The following ADD2 variants were observed in gnomAD, a reference collection of about 807,000 sequenced individuals.
The protein encoded by ADD2 is adducin 2, also known as beta-adducin.
A neutral mutation model predicts 83.0 loss-of-function variants in ADD2; 23 were observed. The ratio of observed to expected loss-of-function variants is 0.28; its 90% CI spans 0.20 to 0.39. The LOEUF (loss-of-function observed/expected upper bound fraction) is 0.39. Ranked by LOEUF, ADD2 falls within the 10% of genes least tolerant of loss-of-function variation. The pLI, the probability that ADD2 is intolerant of heterozygous loss-of-function variation, is 1.00. For missense variants in ADD2, 758 were observed against 944.9 expected, an observed-to-expected ratio of 0.80 and a Z score of 2.59; for synonymous variants, 375 against 375.4, an observed-to-expected ratio of 1.00 and a Z score of 0.01.
chr2:70,695,572 T>C (rs1671265683), intron 6 of ADD2, 149 bp downstream of exon 6: 1 of 688,630 alleles, frequency 1.5e-6, no homozygotes, highest in African/African-American at 1.8e-5. Flanking sequence ...TCTGGACACT[T>C]AGTTTGTTCC....
chr2:70,767,746 C>T (rs549083136), intron 1 of ADD2, 140 bp downstream of exon 1: 3 of 1,449,238 alleles, frequency 2.1e-6, no homozygotes, highest in Middle Eastern at 2.4e-4. Context: ...CCGGCCAGGG[C>T]TGCAGCACCG....
rs1200056150 is a variant in ADD2, at chr2:70,663,150, G to A, written c.*275C>T. The A allele has an allele frequency of 7.2e-6, 3 of 414,966 alleles. No individual in the cohort carries two copies. Among genetic ancestry groups the A allele is most frequent in the Non-Finnish European group, 1.3e-5 (3 of 228,332 alleles). 25.7% of individuals were successfully genotyped at this position (414,966 alleles called of 1,614,324 possible). A position where few individuals can be genotyped will look rare whatever the true frequency, so the allele number is the denominator to read the frequency against. On this transcript the variant is annotated 3_prime_UTR_variant, in exon 16 of 16. Coordinates refer to ENST00000264436, the MANE Select transcript of ADD2 (RefSeq NM_001617.4). ...AGGCAGCCCACAACTAGGCAGTGTT[G>A]TGTAGTAGAAGGAGCACTGGACTGG...
intron 1 of ADD2, among the ~76,000 whole-genome samples, chr2:70,753,870 G>C (rs563825508): frequency 4.0e-4 from 61 of 152,258 alleles, no homozygotes; most frequent in African/African-American, 1.5e-3. Flanking sequence ...CTAATGCATA[G>C]AGGCATAAAT....
intron 2 of ADD2, among the ~76,000 whole-genome samples, chr2:70,708,551 C>G (rs782612027): frequency 1.6e-4 from 25 of 152,180 alleles, no homozygotes; most frequent in Non-Finnish European, 2.9e-4. Flanking sequence ...TCTAGCAAGT[C>G]TGACATAAGA....
intron 1 of ADD2, among the ~76,000 whole-genome samples, chr2:70,737,674 T>C (rs1205521099): frequency 6.6e-6 from 1 of 152,084 alleles, no homozygotes; most frequent in Non-Finnish European, 1.5e-5. Flanking sequence ...TGTATACATA[T>C]GTAACAAACC....
rs1384613131 is a variant in ADD2 at position 70,768,048 on chromosome 2, G to C, written c.-316C>G. The C allele has an allele frequency of 2.1e-6, 3 of 1,420,750 alleles. No homozygotes were observed. The highest frequency in any genetic ancestry group is 4.3e-5 in the Admixed American group (2 of 46,866). 88.0% of individuals were successfully genotyped at this position (1,420,750 alleles called of 1,614,324 possible). The stretch of plus-strand genomic sequence containing the variant: ...CCCGCGCTCGTCAGAGCTGCTGGGA[G>C]ATCCCCCAGCAGTGCAGCGGCTCCG... On this transcript the variant is annotated 5_prime_UTR_variant, in exon 1 of 16. In the 5' UTR this introduces an upstream ATG that the reference lacks. Coordinates refer to ENST00000264436, the MANE Select transcript of ADD2 (RefSeq NM_001617.4).
chr2:70,676,686 CAG>C lies in ADD2; in HGVS notation c.1593+108_1593+109del. ...GCAAGAGCACCGGCACCCAAGATCA[CAG>C]GGGAAGGTGGGTATGAGGACTCAGG... On this transcript the variant is annotated intron_variant, in intron 13 of 15. Transcript: ENST00000264436. The surrounding 1 kb of genome is among the most constrained non-coding windows in gnomAD (Gnocchi z 4.8). 6.5e-7 allele frequency: 1 copy of C among 1,532,894 alleles called. No homozygotes were observed. Among genetic ancestry groups the C allele is most frequent in the South Asian group, 1.2e-5 (1 of 82,906 alleles). The allele number at this position is 1,532,894 out of a possible 1,614,324, so 95.0% of individuals were successfully genotyped here.
At chr2:70,742,534 T>C (rs1673970448) in intron 1 of ADD2, among the ~76,000 whole-genome samples, 1 of 152,106 alleles carries the variant, frequency 6.6e-6, no homozygotes, top group South Asian at 2.1e-4. Context: ...TAAAAGAAAA[T>C]ATGACGATAT....
At chr2:70,717,463 A>C (rs1672530594) in intron 1 of ADD2, among the ~76,000 whole-genome samples, 1 of 152,158 alleles carries the variant, frequency 6.6e-6, no homozygotes, top group South Asian at 2.1e-4. Flanking sequence ...GGGAGTCTCC[A>C]GACAGGAACA....
At chr2:70,686,897 A>G (rs1488768457) in intron 9 of ADD2, among the ~76,000 whole-genome samples, 1 of 152,198 alleles carries the variant, frequency 6.6e-6, no homozygotes, top group African/African-American at 2.4e-5. Flanking sequence ...GTCCCACTGC[A>G]GAGCCTCCAC....
At chr2:70,760,093 CA>C in intron 1 of ADD2, among the ~76,000 whole-genome samples, 1 of 152,332 alleles carries the variant, frequency 6.6e-6, no homozygotes, top group South Asian at 2.1e-4. Context: ...AATCTAGGCC[CA>C]GTGTTTGTTC....
chr2:70,755,920 A>T (rs76016294), intron 1 of ADD2, among the ~76,000 whole-genome samples: 1 of 152,002 alleles, frequency 6.6e-6, no homozygotes, highest in African/African-American at 2.4e-5. Flanking sequence ...TCAGCTAGGC[A>T]TGGTGGCACA....
In ADD2 at chr2:70,662,039, C is replaced by G. The variant is rs1287029149; in HGVS notation, c.*1386G>C. The G allele has an allele frequency of 2.0e-5, 3 of 152,140 alleles. No individual in the cohort carries two copies. Among genetic ancestry groups the G allele is most frequent in the Non-Finnish European group, 4.4e-5 (3 of 68,040 alleles). The allele number at this position is 152,140 out of a possible 1,614,324, so 9.4% of individuals were successfully genotyped here. A position where few individuals can be genotyped will look rare whatever the true frequency, so the allele number is the denominator to read the frequency against. ...GCACAGTGTCTATAGATAGCAAGTG[C>G]TCAAAAGTGGAAAACTATGATTAAG... On this transcript the variant is annotated 3_prime_UTR_variant, in exon 16 of 16. Transcript: ENST00000264436.
At chr2:70,719,434 G>T (rs1247376948) in intron 1 of ADD2, among the ~76,000 whole-genome samples, 1 of 152,122 alleles carries the variant, frequency 6.6e-6, no homozygotes, top group Non-Finnish European at 1.5e-5. Context: ...GTCACCAGGG[G>T]GTCCTAACCT....
chr2:70,757,427 A>G (rs1674851769), intron 1 of ADD2, among the ~76,000 whole-genome samples: 1 of 152,152 alleles, frequency 6.6e-6, no homozygotes, highest in African/African-American at 2.4e-5. Flanking sequence ...AAATAATGAT[A>G]TATTTTATGA....
chr2:70,673,364 C>T (rs782054321), intron 14 of ADD2: 1 of 1,592,258 alleles, frequency 6.3e-7, no homozygotes, highest in African/African-American at 1.3e-5. Flanking sequence ...GTCGTGAGCA[C>T]AGAGCACATC....
intron 1 of ADD2, among the ~76,000 whole-genome samples, chr2:70,726,637 A>G (rs1243686931): frequency 6.6e-6 from 1 of 152,212 alleles, no homozygotes; most frequent in African/African-American, 2.4e-5. Flanking sequence ...ATGGAAATGT[A>G]TAAATCAGGA....
chr2:70,704,888 G>A (rs1671806148), intron 3 of ADD2, among the ~76,000 whole-genome samples: 1 of 152,154 alleles, frequency 6.6e-6, no homozygotes, highest in Non-Finnish European at 1.5e-5. Context: ...CTTAATGAAA[G>A]GGTAGGAGGA....
rs1256850935 is a variant in ADD2, at chr2:70,747,398, A to ATGCTCTCCCATCATGCCATG, written c.-154+20468_-154+20487dup. 4.1e-3 allele frequency among the ~76,000 whole-genome samples: 608 copies of ATGCTCTCCCATCATGCCATG among 149,816 alleles called. 9 individuals are homozygous for ATGCTCTCCCATCATGCCATG. The highest frequency in any genetic ancestry group is 0.014 in the African/African-American group (578 of 40,160). On this transcript the variant is annotated intron_variant, in intron 1 of 15. Coordinates refer to ENST00000264436, the MANE Select transcript of ADD2 (RefSeq NM_001617.4). ...GGTAAGTGCTCTCCCATCATGCCAC[A>ATGCTCTCCCATCATGCCATG]TGCTCTCCCATCATGCCATGTGCTC...
Sources: allele counts gnomAD v4.1 joint callset (sites outside exome capture counted in the v4.1 genomes callset), GRCh38; gene constraint gnomAD v4.1.1; non-coding constraint Gnocchi (gnomAD v3.1); transcripts MANE v1.5; gene names NCBI Gene and HGNC (gene_info 2026-07-23, HGNC 2026-07-21).